PARD3B: variants seen among roughly 807,000 people sequenced by gnomAD.
The protein encoded by PARD3B is partitioning defective 3 homolog B.
A neutral mutation model predicts 130.2 loss-of-function variants in PARD3B; 103 were observed. The ratio of observed to expected loss-of-function variants is 0.79; its 90% confidence interval spans 0.67 to 0.93. PARD3B has a LOEUF of 0.93. Among genes scored for constraint, PARD3B ranks in the 40% least tolerant of loss-of-function variants. The pLI is 0.00. For missense variants in PARD3B, 1,609 were observed against 1,499.2 expected (o/e 1.07, Z -1.21); for synonymous variants, 583 against 553.2 (o/e 1.05, Z -0.76).
intron 16 of PARD3B, among the ~76,000 whole-genome samples, chr2:205,271,430 T>C (rs2105799555): frequency 6.6e-6 from 1 of 152,340 alleles, no homozygotes; most frequent in African/African-American, 2.4e-5. Flanking sequence ...TCATGATTGA[T>C]TGCTCAACTT....
intron 1 of PARD3B, among the ~76,000 whole-genome samples, chr2:204,550,634 GA>G (rs1285603301): frequency 6.6e-6 from 1 of 152,150 alleles, no homozygotes; most frequent in African/African-American, 2.4e-5. Context: ...TTTTGGAAAG[GA>G]AAAATTATAT....
chr2:204,935,096 C>CT (rs1249674875), intron 2 of PARD3B, among the ~76,000 whole-genome samples: 11 of 149,720 alleles, frequency 7.3e-5, no homozygotes, highest in Admixed American at 3.3e-4. Flanking sequence ...CACAGTTTGA[C>CT]TTTTTTACTT....
At chr2:204,548,942 G>A (rs1263804608) in intron 1 of PARD3B, among the ~76,000 whole-genome samples, 1 of 152,198 alleles carries the variant, frequency 6.6e-6, no homozygotes, top group Non-Finnish European at 1.5e-5. Context: ...TAATGTAGAT[G>A]GGAGAAAGAC....
intron 21 of PARD3B, among the ~76,000 whole-genome samples, chr2:205,538,795 G>GT (rs2051988406): frequency 6.6e-6 from 1 of 152,042 alleles, no homozygotes; most frequent in Admixed American, 6.6e-5. Context: ...TTTTTATTTT[G>GT]TTTTGTTTTT....
intron 20 of PARD3B, among the ~76,000 whole-genome samples, chr2:205,487,974 G>T (rs1302662343): frequency 6.6e-6 from 1 of 152,128 alleles, no homozygotes; most frequent in Admixed American, 6.5e-5. Context: ...CTTTTGTTCA[G>T]TTCAAGAAGG....
At chr2:205,437,663 T>C (rs1166702861) in intron 19 of PARD3B, among the ~76,000 whole-genome samples, 1 of 152,004 alleles carries the variant, frequency 6.6e-6, no homozygotes, top group East Asian at 1.9e-4. Context: ...CATAAAAGTC[T>C]GAACATTAGA....
chr2:204,770,701 G>C (rs1361792067), intron 2 of PARD3B, among the ~76,000 whole-genome samples: 1 of 151,920 alleles, frequency 6.6e-6, no homozygotes, highest in African/African-American at 2.4e-5. Context: ...TCCTTTGTAG[G>C]AAAAGATCCA....
intron 22 of PARD3B, among the ~76,000 whole-genome samples, chr2:205,573,763 A>G (rs191383188): frequency 8.3e-4 from 127 of 152,312 alleles, no homozygotes; most frequent in South Asian, 2.3e-3. Context: ...AGGAATATCT[A>G]TAGTTAATAA....
intron 4 of PARD3B, among the ~76,000 whole-genome samples, chr2:205,099,139 T>C (rs1373009977): frequency 8.5e-5 from 13 of 152,134 alleles, no homozygotes; most frequent in Admixed American, 7.9e-4. Context: ...AAAGAGGAGA[T>C]AAAATTTTGA....
chr2:205,219,199 A>AT (rs1179099818), intron 15 of PARD3B, among the ~76,000 whole-genome samples: 1 of 152,196 alleles, frequency 6.6e-6, no homozygotes, highest in Non-Finnish European at 1.5e-5. Context: ...ATATAACTCA[A>AT]TACTTTCCAA....
At chr2:204,812,520 G>A (rs572995549) in intron 2 of PARD3B, among the ~76,000 whole-genome samples, 115 of 152,260 alleles carry the variant, frequency 7.6e-4, no homozygotes, top group African/African-American at 2.6e-3. Context: ...TAGTTCTGGG[G>A]TCTGCATTTC....
At chr2:204,888,172 A>T (rs1007061508) in intron 2 of PARD3B, among the ~76,000 whole-genome samples, 1 of 152,194 alleles carries the variant, frequency 6.6e-6, no homozygotes, top group African/African-American at 2.4e-5. Context: ...GCTTTTCTAG[A>T]AATCTATGTG....
At chr2:205,449,091 G>A (rs1034843537) in intron 20 of PARD3B, among the ~76,000 whole-genome samples, 7 of 150,280 alleles carry the variant, frequency 4.7e-5, no homozygotes, top group Non-Finnish European at 1.0e-4. Context: ...ACTTGAACCC[G>A]GGAGGCGCAG....
At chr2:204,708,374 C>T (rs1447923232) in intron 2 of PARD3B, among the ~76,000 whole-genome samples, 1 of 152,038 alleles carries the variant, frequency 6.6e-6, no homozygotes, top group African/African-American at 2.4e-5. Flanking sequence ...AAATATATTT[C>T]ATATAGAAGA....
chr2:204,983,122 C>T (rs748490325), intron 3 of PARD3B, among the ~76,000 whole-genome samples: 5 of 152,060 alleles, frequency 3.3e-5, no homozygotes, highest in Non-Finnish European at 7.4e-5. Context: ...TTTCTTAGCT[C>T]GGTGACCTGA....
At chr2:204,553,537 GGTGTGTGTGT>G (rs36193401) in intron 1 of PARD3B, among the ~76,000 whole-genome samples, 1 of 136,066 alleles carries the variant, frequency 7.3e-6, no homozygotes, top group Non-Finnish European at 1.5e-5. Flanking sequence ...GAATCTGTGG[GGTGTGTGTGT>G]GTGTGTGTGT....
chr2:204,580,772 A>G (rs2032512879), intron 1 of PARD3B, among the ~76,000 whole-genome samples: 1 of 152,218 alleles, frequency 6.6e-6, no homozygotes, highest in South Asian at 2.1e-4. Flanking sequence ...GGGCTCTATA[A>G]GAGAGACTGT....
rs1306562375 is a variant in PARD3B, at chr2:205,341,349, A to G, written c.2630+39648A>G. 6.6e-6 allele frequency among the ~76,000 whole-genome samples: 1 copy of G among 152,208 alleles called. No individual in the cohort carries two copies. Among genetic ancestry groups the G allele is most frequent in the Non-Finnish European group, 1.5e-5 (1 of 68,024 alleles). ...AGATATGGAATCAACCAAAATGTCC[A>G]TTAACAGATGAGTAATTAAAGAAAA... On this transcript the variant is annotated intron_variant, in intron 18 of 22. Coordinates refer to ENST00000406610, the MANE Select transcript of PARD3B (RefSeq NM_001302769.2). The surrounding 1 kb of genome is among the most constrained non-coding windows in gnomAD (Gnocchi z 4.3).
At chr2:204,941,772 G>A (rs1688923140) in intron 2 of PARD3B, among the ~76,000 whole-genome samples, 1 of 151,928 alleles carries the variant, frequency 6.6e-6, no homozygotes, top group Admixed American at 6.6e-5. Flanking sequence ...AATAATTTGT[G>A]TTTCCTTGAA....
Sources: gnomAD v4.1 joint callset for allele counts (sites outside exome capture counted in the v4.1 genomes callset) on GRCh38, gnomAD v4.1.1 for gene constraint, Gnocchi (gnomAD v3.1) non-coding constraint, MANE v1.5 for transcripts, NCBI Gene and HGNC (gene_info 2026-07-23, HGNC 2026-07-21) for gene names.